The following CACNG3 variants were observed in gnomAD, a reference collection of about 807,000 sequenced individuals.
CACNG3 encodes the protein calcium voltage-gated channel auxiliary subunit gamma 3.
In CACNG3, 3 loss-of-function variants were observed where a neutral mutation model predicts 28.5. That is an observed-to-expected ratio of 0.11 (90% confidence interval 0.05 to 0.27). The LOEUF is 0.27. Ranked by LOEUF, CACNG3 falls within the 10% of genes least tolerant of loss-of-function variation. The pLI, the probability that CACNG3 is intolerant of heterozygous loss-of-function variation, is 1.00. For synonymous variants in CACNG3, 174 were observed against 162.2 expected (o/e 1.07, Z -0.55); for missense variants, 236 against 414.4 (o/e 0.57, Z 3.74).
At chr16:24,263,216 T>C (rs1898558535) in intron 1 of CACNG3, among the ~76,000 whole-genome samples, 1 of 152,182 alleles carries the variant, frequency 6.6e-6, no homozygotes, top group South Asian at 2.1e-4. Flanking sequence ...TTCTCTCCTC[T>C]CCTGAATATT....
At chr16:24,288,754 C>A (rs1474493908) in intron 1 of CACNG3, among the ~76,000 whole-genome samples, 1 of 152,094 alleles carries the variant, frequency 6.6e-6, no homozygotes, top group Non-Finnish European at 1.5e-5. Flanking sequence ...TTCCACACAT[C>A]CCCAGCTCGT....
At chr16:24,281,741 T>C (rs1898831848) in intron 1 of CACNG3, among the ~76,000 whole-genome samples, 1 of 152,252 alleles carries the variant, frequency 6.6e-6, no homozygotes, top group African/African-American at 2.4e-5. Flanking sequence ...ACAACCATTA[T>C]TGACCAGTTG....
At chr16:24,340,244 T>C (rs1443806731) in intron 1 of CACNG3, among the ~76,000 whole-genome samples, 1 of 151,870 alleles carries the variant, frequency 6.6e-6, no homozygotes. Context: ...TACAAAAATA[T>C]AAAAACTAGC....
chr16:24,279,620 A>T (rs1283485553), intron 1 of CACNG3, among the ~76,000 whole-genome samples: 1 of 152,172 alleles, frequency 6.6e-6, no homozygotes, highest in East Asian at 1.9e-4. Context: ...ATATTTGCAG[A>T]CTGGTTAAGA....
chr16:24,296,581 A>G (rs1935512804), intron 1 of CACNG3, among the ~76,000 whole-genome samples: 5 of 152,186 alleles, frequency 3.3e-5, no homozygotes, highest in Admixed American at 3.3e-4. Context: ...TTTCAGGACT[A>G]GAGACTCCCC....
intron 1 of CACNG3, among the ~76,000 whole-genome samples, chr16:24,325,502 C>A (rs1899529027): frequency 2.0e-5 from 3 of 152,210 alleles, no homozygotes; most frequent in Non-Finnish European, 4.4e-5. Flanking sequence ...CCAGTGCTGG[C>A]GTACATCAGC....
At chr16:24,295,675 C>T (rs1262660376) in intron 1 of CACNG3, among the ~76,000 whole-genome samples, 4 of 151,858 alleles carry the variant, frequency 2.6e-5, no homozygotes, top group African/African-American at 9.7e-5. Context: ...AGTGAGACCT[C>T]ATCACCACTA....
At chr16:24,323,415 T>A (rs1160617755) in intron 1 of CACNG3, among the ~76,000 whole-genome samples, 1 of 152,136 alleles carries the variant, frequency 6.6e-6, no homozygotes, top group East Asian at 1.9e-4. Flanking sequence ...GTTCCCAAGC[T>A]TTTTGATTTT....
chr16:24,330,871 G>C (rs76318812), intron 1 of CACNG3, among the ~76,000 whole-genome samples: 1 of 152,192 alleles, frequency 6.6e-6, no homozygotes. Flanking sequence ...GAAATGATCA[G>C]GGTGACCACC....
At chr16:24,349,193 G>A (rs1385667296) in intron 2 of CACNG3, among the ~76,000 whole-genome samples, 3 of 152,182 alleles carry the variant, frequency 2.0e-5, no homozygotes, top group Non-Finnish European at 4.4e-5. Context: ...GTGGGAATGG[G>A]ATTCTGCATA....
chr16:24,310,265 T>C (rs1275599886), intron 1 of CACNG3, among the ~76,000 whole-genome samples: 3 of 152,220 alleles, frequency 2.0e-5, no homozygotes, highest in African/African-American at 4.8e-5. Context: ...AAAATAGCTC[T>C]TATTTAAACA....
intron 1 of CACNG3, among the ~76,000 whole-genome samples, chr16:24,289,456 G>A (rs1181853114): frequency 6.6e-6 from 1 of 152,134 alleles, no homozygotes; most frequent in Admixed American, 6.5e-5. Flanking sequence ...CTTTCAAGTT[G>A]GCAGGATTGA....
intron 3 of CACNG3, among the ~76,000 whole-genome samples, chr16:24,356,263 A>G (rs938347521): frequency 6.6e-6 from 1 of 152,150 alleles, no homozygotes; most frequent in African/African-American, 2.4e-5. Flanking sequence ...TGGGATGGGG[A>G]CAGCGGTGGA....
At chr16:24,335,390 A>C (rs190576923) in intron 1 of CACNG3, among the ~76,000 whole-genome samples, 6 of 152,352 alleles carry the variant, frequency 3.9e-5, no homozygotes, top group Admixed American at 3.9e-4. Flanking sequence ...ACTGCACTCC[A>C]TTCTGGATAA....
chr16:24,343,191 AAAAC>A (rs1159903589), intron 1 of CACNG3, among the ~76,000 whole-genome samples: 7 of 152,074 alleles, frequency 4.6e-5, no homozygotes, highest in South Asian at 2.1e-4. Context: ...CTCTGCCTAA[AAAAC>A]AAACAAACAA....
chr16:24,352,474 C>T (rs868684587), intron 2 of CACNG3, among the ~76,000 whole-genome samples: 3 of 152,166 alleles, frequency 2.0e-5, no homozygotes, highest in Non-Finnish European at 4.4e-5. Context: ...AGGTCTACCC[C>T]CGCAGTCCAA....
At chr16:24,267,669 C>T (rs1183264529) in intron 1 of CACNG3, among the ~76,000 whole-genome samples, 1 of 151,700 alleles carries the variant, frequency 6.6e-6, no homozygotes, top group African/African-American at 2.4e-5. Flanking sequence ...ATTGTGCATT[C>T]ATTTGTTTGT....
intron 1 of CACNG3, among the ~76,000 whole-genome samples, chr16:24,272,956 A>G (rs1898709000): frequency 6.6e-6 from 1 of 152,102 alleles, no homozygotes; most frequent in Non-Finnish European, 1.5e-5. Context: ...TGTTAAGCCT[A>G]GTACCTTTTA....
intron 1 of CACNG3, among the ~76,000 whole-genome samples, chr16:24,279,365 C>G (rs2141350476): frequency 6.6e-6 from 1 of 152,294 alleles, no homozygotes; most frequent in Admixed American, 6.5e-5. Flanking sequence ...GCAATCTCGG[C>G]TTACTGCAGC....
Sources: allele counts gnomAD v4.1 joint callset (sites outside exome capture counted in the v4.1 genomes callset), GRCh38; gene constraint gnomAD v4.1.1; transcripts MANE v1.5; gene names NCBI Gene and HGNC (gene_info 2026-07-23, HGNC 2026-07-21).